The following SMYD3 variants were observed in gnomAD, a reference collection of about 807,000 sequenced individuals.
SMYD3 encodes the protein SET and MYND domain containing 3.
In SMYD3, 36 loss-of-function variants were observed where a neutral mutation model predicts 57.7. The ratio of observed to expected loss-of-function variants is 0.62; its 90% CI spans 0.48 to 0.82. SMYD3 has a LOEUF of 0.82. Ranked by LOEUF, SMYD3 falls within the 40% of genes least tolerant of loss-of-function variation. The pLI, the probability that SMYD3 is intolerant of heterozygous loss-of-function variation, is 0.00. For synonymous variants in SMYD3, 211 were observed against 195.0 expected (o/e 1.08, Z -0.68); for missense variants, 515 against 538.8 (o/e 0.96, Z 0.44).
At chr1:245,803,154 C>T (rs912757161) in intron 10 of SMYD3, among the ~76,000 whole-genome samples, 11 of 152,150 alleles carry the variant, frequency 7.2e-5, no homozygotes, top group East Asian at 3.8e-4. Flanking sequence ...AATGGCGTGC[C>T]GAAACCTCTG....
intron 5 of SMYD3, among the ~76,000 whole-genome samples, chr1:246,146,646 G>A (rs1181041059): frequency 6.6e-6 from 1 of 152,148 alleles, no homozygotes; most frequent in Non-Finnish European, 1.5e-5. Context: ...TAGAAGTGAA[G>A]CGGAGTGTGG....
At chr1:246,410,717 A>G (rs1273943316) in intron 1 of SMYD3, among the ~76,000 whole-genome samples, 28 of 152,062 alleles carry the variant, frequency 1.8e-4, no homozygotes, top group Middle Eastern at 3.4e-3. Context: ...CTCTTTTTCT[A>G]TTGATTGGAA....
intron 10 of SMYD3, among the ~76,000 whole-genome samples, chr1:245,770,037 A>AT (rs1340758238): frequency 1.3e-5 from 2 of 152,216 alleles, no homozygotes; most frequent in Non-Finnish European, 2.9e-5. Context: ...TCTTCAGCAG[A>AT]TTTTCAGCTT....
chr1:245,981,543 C>G (rs1450683793), intron 5 of SMYD3, among the ~76,000 whole-genome samples: 1 of 152,128 alleles, frequency 6.6e-6, no homozygotes, highest in Non-Finnish European at 1.5e-5. Context: ...TAAAGGTTCC[C>G]TTATACAACT....
At chr1:246,410,386 G>A (rs2066944868) in intron 1 of SMYD3, among the ~76,000 whole-genome samples, 1 of 152,240 alleles carries the variant, frequency 6.6e-6, no homozygotes, top group African/African-American at 2.4e-5. Context: ...ATGAAGTGTT[G>A]CTGAATTTTG....
chr1:246,362,976 G>C (rs1212596851), intron 1 of SMYD3, among the ~76,000 whole-genome samples: 1 of 150,506 alleles, frequency 6.6e-6, no homozygotes, highest in Non-Finnish European at 1.5e-5. Context: ...TGGAAAGTGA[G>C]GAGCGTCTCT....
At chr1:246,115,030 C>G (rs2061320955) in intron 5 of SMYD3, among the ~76,000 whole-genome samples, 1 of 152,196 alleles carries the variant, frequency 6.6e-6, no homozygotes, top group Non-Finnish European at 1.5e-5. Flanking sequence ...CCAGGCGGAG[C>G]CTGAAGGAGG....
intron 10 of SMYD3, among the ~76,000 whole-genome samples, chr1:245,802,933 A>G (rs555566577): frequency 6.6e-6 from 1 of 152,278 alleles, no homozygotes; most frequent in African/African-American, 2.4e-5. Flanking sequence ...CTGAAATTCT[A>G]TCAGCTGCCA....
chr1:245,994,544 A>T (rs1186003760), intron 5 of SMYD3, among the ~76,000 whole-genome samples: 2 of 152,124 alleles, frequency 1.3e-5, no homozygotes, highest in Admixed American at 1.3e-4. Flanking sequence ...GACATCAAGG[A>T]GCTGGGGACT....
intron 5 of SMYD3, among the ~76,000 whole-genome samples, chr1:246,006,668 C>T (rs2059175252): frequency 6.6e-6 from 1 of 152,136 alleles, no homozygotes. Context: ...GTGCCAAATA[C>T]TGACCTGTCT....
Position 246,146,193 on chromosome 1 carries a change from A to T in SMYD3, c.531+181008T>A, listed in dbSNP as rs558318127. Among the ~76,000 whole-genome samples the T allele has an allele frequency of 5.9e-5, 9 of 152,330 alleles. No homozygotes were observed. In the South Asian group the frequency reaches 1.9e-3, roughly 32 times the overall value. On this transcript the variant is annotated intron_variant, in intron 5 of 11. Transcript: ENST00000490107. Reference sequence around the variant, plus strand: ...CGATAAGGAAAATACACCAGCCTAAAGGTGCACCATGCAGGAAGAACAGGG... The same window carrying T: ...CGATAAGGAAAATACACCAGCCTAATGGTGCACCATGCAGGAAGAACAGGG...
intron 1 of SMYD3, among the ~76,000 whole-genome samples, chr1:246,456,553 C>A (rs2067702483): frequency 6.6e-6 from 1 of 152,208 alleles, no homozygotes; most frequent in Non-Finnish European, 1.5e-5. Flanking sequence ...CCCTAACTGA[C>A]CCCAGGAGCA....
intron 5 of SMYD3, among the ~76,000 whole-genome samples, chr1:246,033,401 G>A (rs957970419): frequency 6.6e-6 from 1 of 152,228 alleles, no homozygotes; most frequent in Non-Finnish European, 1.5e-5. Context: ...CGGTTGGGAT[G>A]TAAGGAAAGT....
chr1:246,376,389 A>C lies in SMYD3; in HGVS notation c.165-21295T>G, dbSNP rs1352573598. 4.0e-5 allele frequency among the ~76,000 whole-genome samples: 6 copies of C among 151,876 alleles called. No individual in the cohort carries two copies. The South Asian group carries it at 1.2e-3, about 32-fold the overall frequency. On this transcript the variant is annotated intron_variant, in intron 1 of 11. Coordinates refer to ENST00000490107, the MANE Select transcript of SMYD3 (RefSeq NM_001167740.2). ...GCGGATCACCTGAGGTCAGGAGTTC[A>C]AGACCAGCCTGGCCAACATGGTGAA... is the stretch of plus-strand genomic sequence containing the variant.
chr1:245,760,344 A>G (rs906473751), intron 11 of SMYD3, among the ~76,000 whole-genome samples: 2 of 152,200 alleles, frequency 1.3e-5, no homozygotes, highest in Non-Finnish European at 2.9e-5. Context: ...AAAGGCAAAG[A>G]GTATAGCCTC....
In SMYD3 at chr1:246,507,194, C is replaced by G. The variant is rs1173555543; in HGVS notation, c.24G>C (p.Lys8Asn). MEPLKVE[K>N]FATAKRGNGL... The stretch of plus-strand genomic sequence containing the variant: ...CGTTTCCCCTCTTGGCGGTTGCGAA[C>G]TTTTCCACCTTCAGCGGCTCCATCC... The change falls in exon 1 of 12, where the codon AAG becomes AAC. Residue 8 changes from lysine (K) to asparagine (N), a missense_variant. Lys to Asn is a moderately conservative substitution (Grantham distance 94, BLOSUM62 0). Transcript: ENST00000490107. 4 of 1,525,822 alleles carry G rather than the reference C, an allele frequency of 2.6e-6. No homozygotes were observed. The Admixed American group carries it at 8.3e-5, about 32-fold the overall frequency. The allele number at this position is 1,525,822 out of a possible 1,614,324, so 94.5% of individuals were successfully genotyped here.
chr1:246,292,391 C>A (rs1187716414), intron 5 of SMYD3, among the ~76,000 whole-genome samples: 1 of 150,860 alleles, frequency 6.6e-6, no homozygotes, highest in African/African-American at 2.4e-5. Context: ...TACTATCCTA[C>A]ACACCAGCAT....
At chr1:246,271,405 G>A (rs1425937103) in intron 5 of SMYD3, among the ~76,000 whole-genome samples, 5 of 151,988 alleles carry the variant, frequency 3.3e-5, no homozygotes, top group Admixed American at 6.6e-5. Context: ...TCTGCCCTAT[G>A]TTTTCTAGGA....
chr1:246,446,881 T>C (rs555917108), intron 1 of SMYD3, among the ~76,000 whole-genome samples: 72 of 152,118 alleles, frequency 4.7e-4, no homozygotes, highest in Admixed American at 1.1e-3. Context: ...TACAAAAAAT[T>C]AGCCAGTCAT....
Sources: allele counts gnomAD v4.1 joint callset (sites outside exome capture counted in the v4.1 genomes callset), GRCh38; gene constraint gnomAD v4.1.1; transcripts MANE v1.5; gene names NCBI Gene and HGNC (gene_info 2026-07-23, HGNC 2026-07-21).